CHD9: variants seen among roughly 807,000 people sequenced by gnomAD.
CHD9 encodes the protein ATP-dependent chromatin remodeler CHD9.
A neutral mutation model predicts 316.1 loss-of-function variants in CHD9; 77 were observed. That is an observed-to-expected ratio of 0.24 (90% CI 0.20 to 0.29). The LOEUF (loss-of-function observed/expected upper bound fraction) is 0.29, where lower values mean the gene tolerates loss of function less well. Among genes scored for constraint, CHD9 ranks in the 10% least tolerant of loss-of-function variants. The pLI, the probability that CHD9 is intolerant of heterozygous loss-of-function variation, is 1.00. For synonymous variants in CHD9, 1,129 were observed against 1,158.3 expected, an observed-to-expected ratio of 0.97 and a Z score of 0.51; for missense variants, 2,763 against 3,438.1, an observed-to-expected ratio of 0.80 and a Z score of 4.91.
intron 1 of CHD9, among the ~76,000 whole-genome samples, chr16:53,104,938 G>C (rs890498069): frequency 6.6e-6 from 1 of 151,788 alleles, no homozygotes; most frequent in Non-Finnish European, 1.5e-5. Context: ...GGCCCAAGCT[G>C]TCTTGCTGCC....
intron 1 of CHD9, among the ~76,000 whole-genome samples, chr16:53,077,226 G>C (rs1380880499): frequency 6.6e-6 from 1 of 151,994 alleles, no homozygotes; most frequent in African/African-American, 2.4e-5. Flanking sequence ...GACCTCAGGT[G>C]ATCCGCCTGC....
At chr16:53,154,674 C>T (rs185720422) in intron 1 of CHD9, among the ~76,000 whole-genome samples, 1 of 152,108 alleles carries the variant, frequency 6.6e-6, no homozygotes, top group African/African-American at 2.4e-5. Context: ...CGATAGGGTT[C>T]GGGCTGCTAT....
intron 30 of CHD9, among the ~76,000 whole-genome samples, chr16:53,302,823 A>G (rs2055569934): frequency 6.6e-6 from 1 of 152,174 alleles, no homozygotes. Flanking sequence ...TGGTCCCTGC[A>G]TTGTTTCAGC....
intron 36 of CHD9, 145 bp downstream of exon 36, chr16:53,315,189 T>C (rs1187938938): frequency 2.1e-5 from 13 of 627,664 alleles, no homozygotes; most frequent in Admixed American, 1.8e-4. Flanking sequence ...ATAATTACCA[T>C]CCTTCCCATG....
intron 7 of CHD9, chr16:53,227,814 G>T (rs1404251158): frequency 1.7e-5 from 3 of 174,920 alleles, no homozygotes; most frequent in Non-Finnish European, 1.2e-5. Context: ...GGCCAGGTGT[G>T]GTGGCTCACA....
chr16:53,228,411 G>A (rs1024702595), intron 7 of CHD9, among the ~76,000 whole-genome samples: 1 of 151,120 alleles, frequency 6.6e-6, no homozygotes, highest in African/African-American at 2.4e-5. Flanking sequence ...GAGATGATTT[G>A]ACCTTAAAGT....
At chr16:53,323,931 C>T in intron 38 of CHD9, 89 bp from the exon 39 acceptor site, 1 of 1,075,386 alleles carries the variant, frequency 9.3e-7, no homozygotes, top group Non-Finnish European at 1.4e-6. Flanking sequence ...AAATAATTAC[C>T]TATTTTTCAT....
At position 53,243,029 on chromosome 16, in the gene CHD9, A is replaced by G. The variant is rs1371669632; in HGVS notation, c.3054+13A>G. The G allele has an allele frequency of 2.6e-6, 4 of 1,546,706 alleles. No individual in the cohort carries two copies. The highest frequency in any genetic ancestry group is 3.6e-6 in the Non-Finnish European group (4 of 1,125,814). On this transcript the variant is annotated intron_variant, in intron 13 of 38. Coordinates refer to ENST00000447540, the MANE Select transcript of CHD9 (RefSeq NM_001308319.2). The stretch of plus-strand genomic sequence containing the variant: ...ACTCATGAATCTGGTAAGTAACTTA[A>G]TATTATCATTATGACAATTGAGTTT...
At chr16:53,246,674 AC>A (rs1347675997) in intron 15 of CHD9, among the ~76,000 whole-genome samples, 2 of 151,170 alleles carry the variant, frequency 1.3e-5, no homozygotes, top group East Asian at 3.9e-4. Context: ...GCACCACCAT[AC>A]CCAGCTGATT....
At chr16:53,305,167 T>C (rs2055842306) in intron 31 of CHD9, among the ~76,000 whole-genome samples, 1 of 151,220 alleles carries the variant, frequency 6.6e-6, no homozygotes, top group East Asian at 2.0e-4. Flanking sequence ...GTTCAAGCGA[T>C]TCTCCTGCCT....
At chr16:53,308,063 C>G (rs1030231268) in intron 33 of CHD9, 110 bp downstream of exon 33, 1 of 931,438 alleles carries the variant, frequency 1.1e-6, no homozygotes, top group Non-Finnish European at 1.6e-6. Flanking sequence ...ATACCTGTTT[C>G]TTGGTATTTG....
At chr16:53,239,309 GC>G (rs1183826502) in intron 12 of CHD9, among the ~76,000 whole-genome samples, 2 of 152,084 alleles carry the variant, frequency 1.3e-5, no homozygotes, top group African/African-American at 2.4e-5. Flanking sequence ...GATAGGCCAG[GC>G]ATGGTGGCTC....
intron 1 of CHD9, among the ~76,000 whole-genome samples, chr16:53,092,147 C>CA (rs757935087): frequency 5.9e-5 from 9 of 152,294 alleles, no homozygotes; most frequent in Admixed American, 5.2e-4. Flanking sequence ...CATTGGCTGT[C>CA]ATACCCTGGG....
At chr16:53,180,686 T>A (rs981188683) in intron 2 of CHD9, among the ~76,000 whole-genome samples, 4 of 152,076 alleles carry the variant, frequency 2.6e-5, no homozygotes, top group African/African-American at 4.8e-5. Flanking sequence ...ATTTATTATT[T>A]TTTTTTGATA....
Position 53,315,879 on chromosome 16 carries a change from CT to C in CHD9, c.7584+836del, listed in dbSNP as rs1769427562. ...CTTAAATCTGGAGCCCAAACTGCTC[CT>C]CTTAAGCTCTTCTTCAAGCTATGAG... is the stretch of plus-strand genomic sequence containing the variant. On this transcript the variant is annotated intron_variant, in intron 36 of 38. Coordinates refer to ENST00000447540, the MANE Select transcript of CHD9 (RefSeq NM_001308319.2). Among the ~76,000 whole-genome samples the C allele has an allele frequency of 1.3e-5, 2 of 152,180 alleles. 1 individual carries two copies. Among genetic ancestry groups the C allele is most frequent in the Admixed American group, 1.3e-4 (2 of 15,284 alleles).
intron 24 of CHD9, among the ~76,000 whole-genome samples, chr16:53,283,813 TAAG>T (rs2053622930): frequency 6.6e-6 from 1 of 152,170 alleles, no homozygotes; most frequent in Non-Finnish European, 1.5e-5. Flanking sequence ...TTAGATATAA[TAAG>T]GTGTTCATTT....
intron 30 of CHD9, among the ~76,000 whole-genome samples, chr16:53,297,819 T>TA (rs2054941694): frequency 6.6e-6 from 1 of 152,212 alleles, no homozygotes. Context: ...AAGATTTCCT[T>TA]ACTTGTTTTA....
chr16:53,103,220 A>G (rs1199623423), intron 1 of CHD9, among the ~76,000 whole-genome samples: 1 of 148,780 alleles, frequency 6.7e-6, no homozygotes, highest in Non-Finnish European at 1.5e-5. Flanking sequence ...TAAAAAAGAG[A>G]TGGGGTTTCA....
Position 53,158,791 on chromosome 16 carries a change from C to T in CHD9, c.1452+1250C>T, listed in dbSNP as rs1036816850. On this transcript the variant is annotated intron_variant, in intron 2 of 38. Coordinates refer to ENST00000447540, the MANE Select transcript of CHD9 (RefSeq NM_001308319.2). Reference sequence around the variant, plus strand: ...TAGCTGGGACTATAGGCATGTGCCACCATGCCTGGCTTTTTTTGTATTTTT... The same window carrying T: ...TAGCTGGGACTATAGGCATGTGCCATCATGCCTGGCTTTTTTTGTATTTTT... Among the ~76,000 whole-genome samples the T allele has an allele frequency of 1.3e-5, 2 of 151,980 alleles. 1 individual carries two copies. Among genetic ancestry groups the T allele is most frequent in the Admixed American group, 1.3e-4 (2 of 15,260 alleles).
Sources: gnomAD v4.1 joint callset for allele counts (sites outside exome capture counted in the v4.1 genomes callset) on GRCh38, gnomAD v4.1.1 for gene constraint, MANE v1.5 for transcripts, NCBI Gene and HGNC (gene_info 2026-07-23, HGNC 2026-07-21) for gene names.